PTK2B: variants seen among roughly 807,000 people sequenced by gnomAD.
PTK2B encodes the protein protein-tyrosine kinase 2-beta.
PTK2B carries 71 observed loss-of-function variants against 142.9 expected under a neutral mutation model. The ratio of observed to expected loss-of-function variants is 0.50; its 90% confidence interval spans 0.41 to 0.61. The LOEUF (loss-of-function observed/expected upper bound fraction) is 0.61, where lower values mean the gene tolerates loss of function less well. Among genes scored for constraint, PTK2B ranks in the 20% least tolerant of loss-of-function variants. PTK2B has a pLI of 0.00. For synonymous variants in PTK2B, 519 were observed against 503.4 expected (o/e 1.03, Z -0.42); for missense variants, 1,105 against 1,320.4 (o/e 0.84, Z 2.53).
At chr8:27,451,608 T>C (rs772762656) in intron 27 of PTK2B, 99 bp downstream of exon 27, 1 of 1,592,784 alleles carries the variant, frequency 6.3e-7, no homozygotes. Flanking sequence ...GCGGAGTCTG[T>C]CTGCATTCCC....
At chr8:27,316,715 CAAG>C (rs914832362) in intron 3 of PTK2B, among the ~76,000 whole-genome samples, 2 of 152,280 alleles carry the variant, frequency 1.3e-5, no homozygotes, top group African/African-American at 4.8e-5. Flanking sequence ...ACTACAGAAA[CAAG>C]GAGGGTGGGA....
At chr8:27,350,384 C>T (rs1804973461) in intron 1 of PTK2B, among the ~76,000 whole-genome samples, 1 of 152,004 alleles carries the variant, frequency 6.6e-6, no homozygotes, top group Admixed American at 6.5e-5. Context: ...TTCCCCCAGC[C>T]AGGCAATTAT....
At chr8:27,409,639 C>T (rs1416110580) in intron 2 of PTK2B, among the ~76,000 whole-genome samples, 1 of 152,134 alleles carries the variant, frequency 6.6e-6, no homozygotes, top group Non-Finnish European at 1.5e-5. Flanking sequence ...AATGAGGAAC[C>T]AATGAGAGAT....
intron 13 of PTK2B, 120 bp from the exon 14 acceptor site, chr8:27,435,623 G>T (rs1810721673): frequency 8.1e-7 from 1 of 1,232,610 alleles, no homozygotes; most frequent in African/African-American, 1.5e-5. Context: ...GGACATGCCT[G>T]GCTTCTCCTC....
chr8:27,438,092 C>T (rs1209870965), intron 18 of PTK2B: 8 of 523,558 alleles, frequency 1.5e-5, no homozygotes, highest in South Asian at 2.5e-5. Context: ...GGGGTTGTTA[C>T]GAGTAACTCT....
rs1259825708 is a variant in PTK2B, at chr8:27,445,916, G to A, written c.2337G>A (p.Met779Ile). The change falls in exon 24 of 31, where the codon ATG (methionine) becomes ATA (isoleucine). Residue 779 changes from methionine (M) to isoleucine (I), a missense_variant. Transcript: ENST00000346049. ...ACAATGTCTTCAAACGCCACAGCAT[G>A]CGGGTAAGAGGGCTCTGCATGCTGG... ...HRHNVFKRHS[M>I]REEDFIQPSS... is the part of the protein sequence containing the mutation. The A allele has an allele frequency of 6.2e-7, 1 of 1,613,502 alleles. No individual in the cohort carries two copies. The highest frequency in any genetic ancestry group is 1.1e-5 in the South Asian group (1 of 91,082).
chr8:27,370,957 G>A (rs952439761), intron 1 of PTK2B, among the ~76,000 whole-genome samples: 2 of 151,988 alleles, frequency 1.3e-5, no homozygotes, highest in East Asian at 3.9e-4. Context: ...GAGCAGTGGT[G>A]CAGTCTCGGC....
rs190221253 is a variant in PTK2B, at chr8:27,363,939, C to T, written c.-37-33609C>T. On this transcript the variant is annotated intron_variant, in intron 1 of 30. Transcript: ENST00000346049. The surrounding 1 kb of genome is among the most constrained non-coding windows in gnomAD (Gnocchi z 4.3). ...GGCTAAGATTAGACTAGGGCCCGGC[C>T]GCCTGTCTTGACACATGCGCACAAG... Among the ~76,000 whole-genome samples, 40 of 152,258 alleles carry T rather than the reference C, an allele frequency of 2.6e-4. No homozygotes were observed. The highest frequency in any genetic ancestry group is 1.7e-3 in the Admixed American group (26 of 15,308).
rs1161864858 is a variant in PTK2B at position 27,437,389 on chromosome 8, A to T, written c.1427-7A>T. ...CCACCTGTCCCTCTTGCCCCACCAC[A>T]CTGCAGTGATCATGAAGAACCTCGA... On this transcript the variant is annotated splice_polypyrimidine_tract_variant and splice_region_variant and intron_variant, in intron 16 of 30. Coordinates refer to ENST00000346049, the MANE Select transcript of PTK2B (RefSeq NM_173176.3). 1.2e-6 allele frequency: 2 copies of T among 1,609,448 alleles called. No individual in the cohort carries two copies. The highest frequency in any genetic ancestry group is 3.4e-5 in the Admixed American group (2 of 59,416).
Position 27,430,994 on chromosome 8 carries a change from A to G in PTK2B, c.788A>G (p.Glu263Gly). The G allele has an allele frequency of 6.2e-7, 1 of 1,614,070 alleles. No individual in the cohort carries two copies. The highest frequency in any genetic ancestry group is 8.5e-7 in the Non-Finnish European group (1 of 1,180,012). The change falls in exon 8 of 31, where the codon GAG (glutamate) becomes GGG (glycine). Residue 263 changes from glutamate to glycine, a missense_variant. Transcript: ENST00000346049. ...GCCGGCTTCGCCAACATCGACCAGG[A>G]GACCTACCGCTGTGAACTCATTGTA... ...TLAGFANIDQ[E>G]TYRCELIQGW...
intron 1 of PTK2B, among the ~76,000 whole-genome samples, chr8:27,337,484 A>T (rs1292734464): frequency 1.3e-5 from 2 of 152,132 alleles, no homozygotes; most frequent in Non-Finnish European, 2.9e-5. Flanking sequence ...CTCCAAAAAG[A>T]AACCCCCGTA....
rs749721841 is a variant in PTK2B at position 27,442,583 on chromosome 8, CT to C, written c.2040-291del. On this transcript the variant is annotated intron_variant, in intron 21 of 30. Transcript: ENST00000346049. ...AGGGCAAAAGGCCTGAGGAGTGGGG[CT>C]GCAGTCAGGCTCCTGCTGCATGTTT... Among the ~76,000 whole-genome samples, 46 of 152,212 alleles carry C rather than the reference CT, an allele frequency of 3.0e-4. 1 individual carries two copies. Among genetic ancestry groups the C allele is most frequent in the Admixed American group, 2.6e-4 (4 of 15,288 alleles).
intron 12 of PTK2B, 25 bp downstream of exon 12, chr8:27,434,157 C>G: frequency 6.2e-7 from 1 of 1,611,770 alleles, no homozygotes; most frequent in South Asian, 1.1e-5. Flanking sequence ...GTGCAGAGGA[C>G]AGGGCCCTGA....
At chr8:27,446,055 G>A in intron 24 of PTK2B, 136 bp downstream of exon 24, 2 of 1,326,998 alleles carry the variant, frequency 1.5e-6, no homozygotes, top group South Asian at 2.8e-5. Context: ...AGGCCACTGA[G>A]GTGGCACTCT....
At chr8:27,311,599 G>A (rs991459421) in exon 1 of PTK2B, 1 of 306,042 alleles carries the variant, frequency 3.3e-6, no homozygotes, top group East Asian at 6.3e-5. Context: ...CTGCAAATGG[G>A]AAAAGGAGCC....
intron 1 of PTK2B, among the ~76,000 whole-genome samples, chr8:27,395,198 G>C (rs1319809216): frequency 6.6e-6 from 1 of 152,098 alleles, no homozygotes; most frequent in African/African-American, 2.4e-5. Flanking sequence ...AATTGTATGT[G>C]CTAGACTTCT....
chr8:27,417,893 T>C (rs1809499039), intron 2 of PTK2B, among the ~76,000 whole-genome samples: 1 of 151,992 alleles, frequency 6.6e-6, no homozygotes, highest in African/African-American at 2.4e-5. Flanking sequence ...GGGAGTGACG[T>C]GGGGGCTCTG....
Position 27,444,234 on chromosome 8 carries a change from C to G in PTK2B, c.2177C>G (p.Pro726Arg), listed in dbSNP as rs141726800. The G allele has an allele frequency of 5.2e-5, 84 of 1,613,818 alleles. No homozygotes were observed. Among genetic ancestry groups the G allele is most frequent in the Non-Finnish European group, 6.9e-5 (81 of 1,179,880 alleles). The change falls in exon 23 of 31, where the codon CCG becomes CGG. Residue 726 changes from proline to arginine, a missense_variant. Physicochemically the swap from Pro to Arg is moderately radical, Grantham distance 103 (BLOSUM62 -2). Coordinates refer to ENST00000346049, the MANE Select transcript of PTK2B (RefSeq NM_173176.3). ...KPSRPKYRPP[P>R]QTNLLAPKLQ... ...AGCCGACCTAAGTACAGACCCCCTC[C>G]GCAAACCAACCTCCTGGCTCCAAAG... is the stretch of plus-strand genomic sequence containing the variant.
At chr8:27,434,404 A>G (rs1810639431) in intron 12 of PTK2B, 109 bp from the exon 13 acceptor site, 2 of 1,286,722 alleles carry the variant, frequency 1.6e-6, no homozygotes, top group African/African-American at 3.0e-5. Flanking sequence ...GCTAATTTGG[A>G]CAGACTACTT....
Sources: allele counts gnomAD v4.1 joint callset (sites outside exome capture counted in the v4.1 genomes callset), GRCh38; gene constraint gnomAD v4.1.1; non-coding constraint Gnocchi (gnomAD v3.1); transcripts MANE v1.5; gene names NCBI Gene and HGNC (gene_info 2026-07-23, HGNC 2026-07-21).